FHIT: variants seen among roughly 807,000 people sequenced by gnomAD.
FHIT encodes fragile histidine triad diadenosine triphosphatase, also known as bis(5'-adenosyl)-triphosphatase.
Under a neutral mutation model 17.9 loss-of-function variants are expected in FHIT, and 19 were observed. The observed-to-expected ratio is 1.06, with a 90% CI of 0.74 to 1.56. The LOEUF (loss-of-function observed/expected upper bound fraction) is 1.56. FHIT is among the 40% of genes most tolerant of loss of function. FHIT has a pLI of 0.00. For synonymous variants in FHIT, 81 were observed against 69.7 expected (o/e 1.16, Z -0.81); for missense variants, 248 against 189.2 (o/e 1.31, Z -1.82).
chr3:60,243,113 A>G (rs1316898365), intron 5 of FHIT, among the ~76,000 whole-genome samples: 3 of 152,036 alleles, frequency 2.0e-5, no homozygotes, highest in African/African-American at 7.2e-5. Context: ...AACACTGAAT[A>G]TGAAGCAAAT....
chr3:60,080,025 A>T (rs1490030479), intron 5 of FHIT, among the ~76,000 whole-genome samples: 1 of 152,158 alleles, frequency 6.6e-6, no homozygotes, highest in Non-Finnish European at 1.5e-5. Context: ...TTGAAAACTC[A>T]ATCTGGGTTA....
At chr3:60,759,517 A>G (rs1301265762) in intron 4 of FHIT, among the ~76,000 whole-genome samples, 3 of 152,174 alleles carry the variant, frequency 2.0e-5, no homozygotes. Context: ...TTAAGAGACA[A>G]GTTTTTAAGG....
intron 4 of FHIT, among the ~76,000 whole-genome samples, chr3:60,806,764 G>A (rs1033088347): frequency 6.6e-5 from 10 of 152,186 alleles, no homozygotes; most frequent in South Asian, 2.1e-4. Flanking sequence ...TATGGCACAC[G>A]TAGCAGAGTC....
chr3:61,194,332 T>G (rs933153429), intron 2 of FHIT, among the ~76,000 whole-genome samples: 2 of 152,102 alleles, frequency 1.3e-5, no homozygotes, highest in Non-Finnish European at 2.9e-5. Flanking sequence ...CACAAAGACC[T>G]TGGTTCTGAG....
intron 5 of FHIT, among the ~76,000 whole-genome samples, chr3:60,511,058 G>A (rs1293371400): frequency 6.6e-6 from 1 of 152,170 alleles, no homozygotes; most frequent in Non-Finnish European, 1.5e-5. Flanking sequence ...CACATGTACA[G>A]CAGAGTGGTC....
intron 5 of FHIT, among the ~76,000 whole-genome samples, chr3:60,029,953 C>A (rs1343157428): frequency 7.8e-6 from 1 of 128,280 alleles, no homozygotes; most frequent in Non-Finnish European, 1.6e-5. Context: ...CTTGGTGCAG[C>A]GTGGCTTTTT....
chr3:59,753,420 A>G (rs766457027), intron 8 of FHIT, among the ~76,000 whole-genome samples: 2 of 152,168 alleles, frequency 1.3e-5, no homozygotes, highest in Non-Finnish European at 2.9e-5. Flanking sequence ...TACAATTTCA[A>G]TTCTATCAGA....
rs12107679 is a variant in FHIT, at chr3:60,296,901, G to A, written c.103+239959C>T. ...TGAAAAGTCTATTCTTTCTCTAACT[G>A]AATTGCTTTTTTATTTTTGCAAAAA... is the stretch of plus-strand genomic sequence containing the variant. On this transcript the variant is annotated intron_variant, in intron 5 of 9. Transcript: ENST00000492590. Among the ~76,000 whole-genome samples the A allele has an allele frequency of 3.2e-3, 454 of 141,392 alleles. 1 individual carries two copies. Among genetic ancestry groups the A allele is most frequent in the African/African-American group, 0.011 (435 of 37,964 alleles). The allele number at this position is 141,392 out of a possible 152,430, so 92.8% of individuals were successfully genotyped here.
chr3:60,834,081 C>T (rs1702433227), intron 3 of FHIT, among the ~76,000 whole-genome samples: 1 of 152,156 alleles, frequency 6.6e-6, no homozygotes, highest in Non-Finnish European at 1.5e-5. Context: ...ACAGATAAAG[C>T]TCTATGAAAA....
chr3:61,163,030 G>A (rs1560031834), intron 2 of FHIT, among the ~76,000 whole-genome samples: 1 of 152,106 alleles, frequency 6.6e-6, no homozygotes, highest in Non-Finnish European at 1.5e-5. Context: ...TACATGTATA[G>A]ATCTTGGACT....
chr3:60,755,259 G>GT (rs2042549097), intron 4 of FHIT, among the ~76,000 whole-genome samples: 1 of 152,198 alleles, frequency 6.6e-6, no homozygotes, highest in South Asian at 2.1e-4. Context: ...AGGCATGTGT[G>GT]TTTACTGGAT....
chr3:59,848,631 A>G (rs1701812664), intron 8 of FHIT, among the ~76,000 whole-genome samples: 1 of 152,194 alleles, frequency 6.6e-6, no homozygotes, highest in South Asian at 2.1e-4. Context: ...TTTAGGATAT[A>G]TTAGATAAAT....
rs185161264 is a variant in FHIT, at chr3:60,676,860, T to C, written c.-17-139881A>G. ...TTTTCTTTTAGTGAGCATAATTTTT[T>C]CTTTTGTTGTTATTGTTGTTATTGT... On this transcript the variant is annotated intron_variant, in intron 4 of 9. Coordinates refer to ENST00000492590, the MANE Select transcript of FHIT (RefSeq NM_002012.4). Among the ~76,000 whole-genome samples, 165 of 151,542 alleles carry C rather than the reference T, an allele frequency of 1.1e-3. 3 individuals are homozygous for C. The East Asian group carries it at 0.025, about 23-fold the overall frequency.
intron 3 of FHIT, among the ~76,000 whole-genome samples, chr3:60,858,420 A>G (rs1447253308): frequency 6.6e-6 from 1 of 152,172 alleles, no homozygotes; most frequent in East Asian, 1.9e-4. Context: ...CATCACATGT[A>G]TGGTCAGCTT....
At chr3:60,687,845 A>T (rs542285861) in intron 4 of FHIT, among the ~76,000 whole-genome samples, 47 of 152,272 alleles carry the variant, frequency 3.1e-4, no homozygotes, top group Non-Finnish European at 5.6e-4. Flanking sequence ...TACCAAGTCA[A>T]TAAAAATTCA....
chr3:60,128,068 T>C (rs540721528), intron 5 of FHIT, among the ~76,000 whole-genome samples: 11 of 152,196 alleles, frequency 7.2e-5, no homozygotes, highest in South Asian at 2.1e-4. Context: ...GCAGAGTAAC[T>C]TGAAGATCAG....
At chr3:59,788,580 G>GC (rs1699410902) in intron 8 of FHIT, among the ~76,000 whole-genome samples, 1 of 152,074 alleles carries the variant, frequency 6.6e-6, no homozygotes, top group African/African-American at 2.4e-5. Flanking sequence ...TTCTAGATTG[G>GC]CCCTCTCCTA....
At chr3:60,942,803 T>A (rs563692040) in intron 3 of FHIT, among the ~76,000 whole-genome samples, 1 of 152,272 alleles carries the variant, frequency 6.6e-6, no homozygotes, top group East Asian at 1.9e-4. Flanking sequence ...CCTAACAATG[T>A]CTCCTTCCGT....
chr3:60,918,637 G>A (rs1480579615), intron 3 of FHIT, among the ~76,000 whole-genome samples: 2 of 152,276 alleles, frequency 1.3e-5, no homozygotes, highest in East Asian at 3.9e-4. Context: ...CCAGGAGGAA[G>A]AAGGCATTTG....
Sources: allele counts gnomAD v4.1 joint callset (sites outside exome capture counted in the v4.1 genomes callset), GRCh38; gene constraint gnomAD v4.1.1; transcripts MANE v1.5; gene names NCBI Gene and HGNC (gene_info 2026-07-23, HGNC 2026-07-21).